Variants in BCL2L14 observed in about 807,000 individuals in gnomAD.
The protein encoded by BCL2L14 is apoptosis facilitator Bcl-2-like protein 14.
Under a neutral mutation model 35.3 loss-of-function variants are expected in BCL2L14, and 27 were observed. The ratio of observed to expected loss-of-function variants is 0.76; its 90% CI spans 0.56 to 1.05. The LOEUF is 1.05. Ranked by LOEUF, BCL2L14 falls within the 50% of genes least tolerant of loss-of-function variation. BCL2L14 has a pLI of 0.00. For missense variants in BCL2L14, 377 were observed against 382.6 expected (o/e 0.99, Z 0.12); for synonymous variants, 139 against 145.9 (o/e 0.95, Z 0.34).
At chr12:12,081,962 A>G (rs1321755135) in intron 2 of BCL2L14, among the ~76,000 whole-genome samples, 1 of 152,212 alleles carries the variant, frequency 6.6e-6, no homozygotes, top group Non-Finnish European at 1.5e-5. Flanking sequence ...CAGTTTTTAA[A>G]TGTGACAGTC....
At chr12:12,095,388 C>T (rs1949294371) in intron 5 of BCL2L14, 1 of 985,370 alleles carries the variant, frequency 1.0e-6, no homozygotes, top group Non-Finnish European at 1.2e-6. Flanking sequence ...TGCTTTGACC[C>T]AGCCATTTTG....
chr12:12,086,421 C>T (rs1949043908), intron 2 of BCL2L14, among the ~76,000 whole-genome samples: 2 of 152,226 alleles, frequency 1.3e-5, no homozygotes, highest in South Asian at 4.1e-4. Flanking sequence ...CACCCCACCT[C>T]CCCTCTTCCC....
Position 12,056,009 on chromosome 12 carries a change from T to C in BCL2L14, c.-272+4162T>C, listed in dbSNP as rs114996187. The stretch of plus-strand genomic sequence containing the variant: ...TCATCCCTCATCATCCCCGAGGCGA[T>C]GTCTGATCACCCTGCCTGGTCTTCA... On this transcript the variant is annotated intron_variant, in intron 2 of 3. Transcript: ENST00000461264. Among the ~76,000 whole-genome samples, 303 of 152,272 alleles carry C rather than the reference T, an allele frequency of 2.0e-3. 1 individual carries two copies. The highest frequency in any genetic ancestry group is 7.0e-3 in the African/African-American group (292 of 41,558).
At chr12:12,059,379 G>T (rs1169488166) in intron 2 of BCL2L14, among the ~76,000 whole-genome samples, 1 of 151,880 alleles carries the variant, frequency 6.6e-6, no homozygotes, top group Non-Finnish European at 1.5e-5. Flanking sequence ...TGGAGGAGAG[G>T]CAAGTACCCC....
chr12:12,083,586 CT>C (rs1948975211), intron 2 of BCL2L14, among the ~76,000 whole-genome samples: 2 of 152,128 alleles, frequency 1.3e-5, no homozygotes, highest in African/African-American at 4.8e-5. Context: ...CTTTTCTCTC[CT>C]TTAAAAGAGG....
intron 2 of BCL2L14, chr12:12,051,963 G>C (rs1948362980): frequency 6.6e-6 from 1 of 152,368 alleles, no homozygotes; most frequent in African/African-American, 2.4e-5. Flanking sequence ...TTGAGTTGGA[G>C]TTGGAAAGAC....
intron 3 of BCL2L14, 108 bp downstream of exon 3, chr12:12,087,494 C>G: frequency 7.9e-7 from 1 of 1,260,046 alleles, no homozygotes. Context: ...GCTGCCTGGA[C>G]TGAGGGCTTG....
At chr12:12,059,316 C>G (rs1948486822) in intron 2 of BCL2L14, among the ~76,000 whole-genome samples, 1 of 151,392 alleles carries the variant, frequency 6.6e-6, no homozygotes, top group Admixed American at 6.6e-5. Flanking sequence ...TTCTGGGGTG[C>G]AAGAAACCCC....
upstream of BCL2L14, among the ~76,000 whole-genome samples, chr12:12,066,294 C>T (rs1347330230): frequency 1.3e-5 from 2 of 152,144 alleles, no homozygotes; most frequent in South Asian, 2.1e-4. Flanking sequence ...AACTCTGATC[C>T]TATTTCATTG....
At chr12:12,069,997 G>A (rs910849863), upstream of BCL2L14, among the ~76,000 whole-genome samples, 1 of 152,036 alleles carries the variant, frequency 6.6e-6, no homozygotes, top group African/African-American at 2.4e-5. Flanking sequence ...TTTGACCAGC[G>A]GTCCAGGGTT....
chr12:12,079,400 G>A lies in BCL2L14; in HGVS notation c.95G>A (p.Arg32Lys). The change falls in exon 2 of 6, where the codon AGA (arginine) becomes AAA (lysine). Residue 32 changes from arginine to lysine, a missense_variant. Physicochemically the swap from Arg to Lys is conservative, Grantham distance 26. Coordinates refer to ENST00000308721, the MANE Select transcript of BCL2L14 (RefSeq NM_138723.2). ...IEFKILAYYT[R>K]HHVFKSTPAL... ...TTCAAAATCCTCGCCTACTACACCA[G>A]ACATCATGTCTTCAAGAGCACCCCT... is the stretch of plus-strand genomic sequence containing the variant. 6.2e-7 allele frequency: 1 copy of A among 1,614,154 alleles called. No homozygotes were observed. The highest frequency in any genetic ancestry group is 8.5e-7 in the Non-Finnish European group (1 of 1,180,032).
At chr12:12,059,449 C>T (rs1173965666) in intron 2 of BCL2L14, among the ~76,000 whole-genome samples, 1 of 152,030 alleles carries the variant, frequency 6.6e-6, no homozygotes, top group Non-Finnish European at 1.5e-5. Flanking sequence ...TATCTCTGTG[C>T]CCCAATCCCT....
At chr12:12,076,293 G>A (rs1419533046) in intron 1 of BCL2L14, among the ~76,000 whole-genome samples, 2 of 152,048 alleles carry the variant, frequency 1.3e-5, no homozygotes, top group African/African-American at 2.4e-5. Flanking sequence ...CATGACCTTC[G>A]AGGAGACACT....
chr12:12,079,734 T>C lies in BCL2L14; in HGVS notation c.429T>C (p.His143=), dbSNP rs778212386. Residue 143 remains histidine, a synonymous_variant, in exon 2 of 6, where the codon CAT becomes CAC. Coordinates refer to ENST00000308721, the MANE Select transcript of BCL2L14 (RefSeq NM_138723.2). ...CTAACGTGGAGCAGTGCTTGGAGCA[T>C]GAAGGTAGGCATCTGGGATTTCTTT... ...CLSNVEQCLE[H]EAVDPKVISI... is the part of the protein sequence containing the mutation. The C allele has an allele frequency of 1.9e-6, 3 of 1,610,954 alleles. No individual in the cohort carries two copies. The highest frequency in any genetic ancestry group is 8.5e-7 in the Non-Finnish European group (1 of 1,178,062).
chr12:12,078,823 A>G (rs916078766), intron 1 of BCL2L14, among the ~76,000 whole-genome samples: 5 of 92,874 alleles, frequency 5.4e-5, no homozygotes, highest in Admixed American at 3.2e-4. Context: ...TTTGAGACGG[A>G]GTCTCACTCT....
intron 5 of BCL2L14, among the ~76,000 whole-genome samples, chr12:12,096,400 T>C (rs1949312052): frequency 6.7e-6 from 1 of 150,240 alleles, no homozygotes; most frequent in South Asian, 2.1e-4. Flanking sequence ...GGATTTTGTT[T>C]TGTGCTTCCA....
chr12:12,065,687 G>A (rs1024371279), intron 2 of BCL2L14, among the ~76,000 whole-genome samples: 2 of 152,096 alleles, frequency 1.3e-5, no homozygotes, highest in East Asian at 1.9e-4. Context: ...TTCCTCCAGC[G>A]CCATCTCTGG....
At chr12:12,050,670 A>G (rs1469162544) in intron 1 of BCL2L14, among the ~76,000 whole-genome samples, 2 of 151,644 alleles carry the variant, frequency 1.3e-5, no homozygotes, top group African/African-American at 4.8e-5. Context: ...TACAGAAACT[A>G]TAGCTTCGAG....
At chr12:12,058,553 G>A (rs1272004395) in intron 2 of BCL2L14, among the ~76,000 whole-genome samples, 3 of 151,794 alleles carry the variant, frequency 2.0e-5, no homozygotes, top group Non-Finnish European at 4.4e-5. Flanking sequence ...CCTTCTCCTG[G>A]CTCATCCTGG....
Sources: allele counts gnomAD v4.1 joint callset (sites outside exome capture counted in the v4.1 genomes callset), GRCh38; gene constraint gnomAD v4.1.1; transcripts MANE v1.5; gene names NCBI Gene and HGNC (gene_info 2026-07-23, HGNC 2026-07-21).